The following HDAC4 variants were observed in gnomAD, a reference collection of about 807,000 sequenced individuals.
HDAC4 encodes histone deacetylase 4, also known as histone deacetylase A.
A neutral mutation model predicts 135.1 loss-of-function variants in HDAC4; 16 were observed. The observed-to-expected ratio is 0.12, with a 90% CI of 0.08 to 0.18. The LOEUF is 0.18. Among genes scored for constraint, HDAC4 ranks in the 10% least tolerant of loss-of-function variants. The pLI is 1.00. For missense variants in HDAC4, 1,143 were observed against 1,511.8 expected (o/e 0.76, Z 4.05); for synonymous variants, 685 against 653.4 (o/e 1.05, Z -0.74).
chr2:239,176,739 T>C (rs940186762), intron 4 of HDAC4, among the ~76,000 whole-genome samples, 176 bp from the exon 5 acceptor site: 2 of 152,142 alleles, frequency 1.3e-5, no homozygotes, highest in African/African-American at 4.8e-5. Context: ...TCAGGGCCAT[T>C]CCGGGCTCTG....
intron 15 of HDAC4, among the ~76,000 whole-genome samples, chr2:239,104,201 C>T (rs975188741): frequency 1.3e-5 from 2 of 152,086 alleles, no homozygotes; most frequent in Non-Finnish European, 2.9e-5. Context: ...CAGTTGGGGC[C>T]CTGGGCGGCT....
At chr2:239,190,716 G>A (rs1309315220) in intron 3 of HDAC4, among the ~76,000 whole-genome samples, 1 of 152,142 alleles carries the variant, frequency 6.6e-6, no homozygotes, top group African/African-American at 2.4e-5. Context: ...GCGTTCCTCT[G>A]GGCATGCGTT....
intron 2 of HDAC4, among the ~76,000 whole-genome samples, chr2:239,254,939 T>C (rs972220898): frequency 6.6e-6 from 1 of 152,204 alleles, no homozygotes; most frequent in African/African-American, 2.4e-5. Context: ...AGAGGCAATG[T>C]TTCAACAGCA....
chr2:239,187,826 T>A (rs2044656437), intron 4 of HDAC4, among the ~76,000 whole-genome samples: 1 of 152,138 alleles, frequency 6.6e-6, no homozygotes, highest in Non-Finnish European at 1.5e-5. Flanking sequence ...GGTGGGCCAA[T>A]CTCCACAGGG....
intron 16 of HDAC4, among the ~76,000 whole-genome samples, chr2:239,096,376 C>T (rs549099061): frequency 4.5e-5 from 6 of 133,202 alleles, no homozygotes; most frequent in Non-Finnish European, 8.1e-5. Context: ...TGCAACCCCC[C>T]CCGACACCTG....
chr2:239,138,726 T>TG, intron 9 of HDAC4, among the ~76,000 whole-genome samples: 1 of 152,302 alleles, frequency 6.6e-6, no homozygotes, highest in African/African-American at 2.4e-5. Flanking sequence ...TCCTTGTCAG[T>TG]GGGGCATTGT....
intron 2 of HDAC4, among the ~76,000 whole-genome samples, chr2:239,317,133 A>G (rs2053144507): frequency 6.6e-6 from 1 of 152,212 alleles, no homozygotes; most frequent in African/African-American, 2.4e-5. Flanking sequence ...ACAGAGGCAT[A>G]GGTTAATAAT....
At chr2:239,302,312 A>C (rs2052314079) in intron 2 of HDAC4, among the ~76,000 whole-genome samples, 1 of 152,224 alleles carries the variant, frequency 6.6e-6, no homozygotes, top group Admixed American at 6.5e-5. Flanking sequence ...TTCATTTCAA[A>C]GTCAAGGGCA....
rs1342646569 is a variant in HDAC4 at position 239,400,572 on chromosome 2, C to T, written c.-220+406G>A. The T allele has an allele frequency of 6.9e-6, 1 of 145,448 alleles. No homozygotes were observed. Among genetic ancestry groups the T allele is most frequent in the African/African-American group, 2.5e-5 (1 of 40,634 alleles). The allele number at this position is 145,448 out of a possible 1,614,324, so 9.0% of individuals were successfully genotyped here. On this transcript the variant is annotated intron_variant, in intron 1 of 26. Transcript: ENST00000543185. The surrounding 1 kb of genome is among the most constrained non-coding windows in gnomAD (Gnocchi z 4.7). ...GGCCCCCGCCTCCCACGGCCGCGCG[C>T]GGGGCGGGTGTGGACCGGCGGCGTC...
In HDAC4 at chr2:239,095,061, G is replaced by T. The variant is rs199709933; in HGVS notation, c.2234-5C>A. The stretch of plus-strand genomic sequence containing the variant: ...CGAACACGGAGGCGAGCGAGCCTGT[G>T]GGGGGGAGGGAGACGGTCAGAGAGG... On this transcript the variant is annotated splice_region_variant and splice_polypyrimidine_tract_variant and intron_variant, in intron 16 of 26. Transcript: ENST00000543185. The T allele has an allele frequency of 9.2e-5, 148 of 1,612,992 alleles. 1 individual carries two copies. Among genetic ancestry groups the T allele is most frequent in the Admixed American group, 3.7e-4 (22 of 59,968 alleles).
chr2:239,175,521 T>C (rs529564490), intron 5 of HDAC4, among the ~76,000 whole-genome samples: 25 of 152,300 alleles, frequency 1.6e-4, no homozygotes, highest in Admixed American at 5.9e-4. Context: ...TCCTGGATAG[T>C]ATGAAGTGTG....
intron 24 of HDAC4, among the ~76,000 whole-genome samples, chr2:239,059,186 G>A (rs763282570): frequency 3.9e-5 from 6 of 152,148 alleles, no homozygotes; most frequent in African/African-American, 9.7e-5. Context: ...TGTGAGATGC[G>A]GCTGGATGCC....
rs548308113 is a variant in HDAC4 at position 239,262,753 on chromosome 2, C to T, written c.23-26089G>A. The stretch of plus-strand genomic sequence containing the variant: ...CACAGGGCATTCTGTGGGCCACGCT[C>T]GCAGCCCAAGAACACAGACGAGGAG... On this transcript the variant is annotated intron_variant, in intron 2 of 26. Transcript: ENST00000543185. The surrounding 1 kb of genome is among the most constrained non-coding windows in gnomAD (Gnocchi z 4.1). 1.3e-5 allele frequency among the ~76,000 whole-genome samples: 2 copies of T among 152,216 alleles called. No individual in the cohort carries two copies. Among genetic ancestry groups the T allele is most frequent in the Non-Finnish European group, 2.9e-5 (2 of 68,040 alleles).
chr2:239,234,927 G>C (rs966501776), intron 3 of HDAC4, among the ~76,000 whole-genome samples: 2 of 152,166 alleles, frequency 1.3e-5, no homozygotes, highest in Non-Finnish European at 2.9e-5. Flanking sequence ...GCCTGGTTAA[G>C]CACAAGCAAG....
At chr2:239,161,208 C>T (rs1256149099) in intron 6 of HDAC4, among the ~76,000 whole-genome samples, 12 of 152,268 alleles carry the variant, frequency 7.9e-5, no homozygotes, top group East Asian at 1.9e-4. Flanking sequence ...GTAAGATATA[C>T]GCATTGTGAA....
chr2:239,208,326 C>CAAAAAAAAAAAAAAAAAAAAAAAAAAA (rs759398313), intron 3 of HDAC4, among the ~76,000 whole-genome samples: 1 of 68,210 alleles, frequency 1.5e-5, no homozygotes. Flanking sequence ...GACTCCGTCC[C>CAAAAAAAAAAAAAAAAAAAAAAAAAAA]AAAAAAAAAA....
chr2:239,278,574 C>T (rs867050513), intron 2 of HDAC4, among the ~76,000 whole-genome samples: 2 of 151,968 alleles, frequency 1.3e-5, no homozygotes, highest in African/African-American at 2.4e-5. Flanking sequence ...ACTCAGAAGG[C>T]CGCAGCAGGA....
intron 2 of HDAC4, among the ~76,000 whole-genome samples, chr2:239,341,982 C>A (rs1325740176): frequency 6.6e-6 from 1 of 152,126 alleles, no homozygotes; most frequent in Non-Finnish European, 1.5e-5. Context: ...CAGGTGAGGA[C>A]ACAGCAAGAA....
intron 2 of HDAC4, among the ~76,000 whole-genome samples, chr2:239,320,669 T>C (rs2053278644): frequency 6.6e-6 from 1 of 152,202 alleles, no homozygotes; most frequent in Non-Finnish European, 1.5e-5. Context: ...TGAATCTTTT[T>C]GAGTCTTTTT....
Sources: gnomAD v4.1 joint callset for allele counts (sites outside exome capture counted in the v4.1 genomes callset) on GRCh38, gnomAD v4.1.1 for gene constraint, Gnocchi (gnomAD v3.1) non-coding constraint, MANE v1.5 for transcripts, NCBI Gene and HGNC (gene_info 2026-07-23, HGNC 2026-07-21) for gene names.